The following ZNF90 variants were observed in gnomAD, a reference collection of about 807,000 sequenced individuals.
ZNF90 encodes zinc finger protein HTF9.
Under a neutral mutation model 12.0 loss-of-function variants are expected in ZNF90, and 11 were observed. The ratio of observed to expected loss-of-function variants is 0.92; its 90% CI spans 0.58 to 1.52. The LOEUF is 1.52. Ranked by LOEUF, ZNF90 falls within the 40% of genes most tolerant of loss-of-function variation. The pLI is 0.00. For synonymous variants in ZNF90, 232 were observed against 240.1 expected (o/e 0.97, Z 0.31); for missense variants, 765 against 711.5 (o/e 1.08, Z -0.86).
intron 3 of ZNF90, among the ~76,000 whole-genome samples, chr19:20,108,899 A>G (rs1296560881): frequency 6.6e-6 from 1 of 151,330 alleles, no homozygotes; most frequent in Non-Finnish European, 1.5e-5. Flanking sequence ...TAATTTTTGT[A>G]TTGTTATTAG....
chr19:20,106,124 T>A (rs935355328), intron 3 of ZNF90, among the ~76,000 whole-genome samples: 2 of 149,146 alleles, frequency 1.3e-5, no homozygotes, highest in Admixed American at 1.3e-4. Context: ...TATTCAATGC[T>A]ATAGTAAATA....
Position 20,118,871 on chromosome 19 carries a change from C to T in ZNF90, c.1317C>T (p.Ala439=). The T allele has an allele frequency of 1.2e-6, 2 of 1,610,018 alleles. No individual in the cohort carries two copies. Among genetic ancestry groups the T allele is most frequent in the Non-Finnish European group, 1.7e-6 (2 of 1,178,206 alleles). Residue 439 remains alanine (A), a synonymous_variant, in exon 4 of 4, where the codon GCC becomes GCT. Coordinates refer to ENST00000418063, the MANE Select transcript of ZNF90 (RefSeq NM_007138.2). ...ACAAAGTCTTCAAACGCTCCTCAGC[C>T]CTTAGCACACATAAGATAATTCATA... ...ECDKVFKRSS[A]LSTHKIIHSG... is the part of the protein sequence containing the mutation.
intron 1 of ZNF90, among the ~76,000 whole-genome samples, chr19:20,082,733 G>C (rs1310514650): frequency 6.6e-6 from 1 of 152,172 alleles, no homozygotes; most frequent in Non-Finnish European, 1.5e-5. Flanking sequence ...GGAAAGACCT[G>C]ACCATCCCCC....
rs191873470 is a variant in ZNF90 at position 20,116,324 on chromosome 19, C to T, written c.227-1457C>T. ...AGCTTGGATTACAGGCTTATGCCAC[C>T]ATGCCCAGTTAATTTTTGAGTTTTT... is the stretch of plus-strand genomic sequence containing the variant. On this transcript the variant is annotated intron_variant, in intron 3 of 3. Transcript: ENST00000418063. Among the ~76,000 whole-genome samples, 310 of 152,174 alleles carry T rather than the reference C, an allele frequency of 2.0e-3. 1 individual carries two copies. The Middle Eastern group carries it at 0.02, about 10-fold the overall frequency.
intron 3 of ZNF90, among the ~76,000 whole-genome samples, chr19:20,117,346 TTTTC>T (rs1421064259): frequency 2.6e-5 from 4 of 151,994 alleles, no homozygotes; most frequent in African/African-American, 7.3e-5. Flanking sequence ...GGAAATTTCT[TTTTC>T]TTTGTTTCGT....
intron 1 of ZNF90, among the ~76,000 whole-genome samples, chr19:20,082,961 G>A (rs1447582992): frequency 6.6e-6 from 1 of 152,132 alleles, no homozygotes; most frequent in East Asian, 1.9e-4. Context: ...GCTCTTTAAT[G>A]CACCAGATAT....
chr19:20,107,841 A>G (rs2089052984), intron 3 of ZNF90, among the ~76,000 whole-genome samples: 1 of 152,240 alleles, frequency 6.6e-6, no homozygotes. Flanking sequence ...TGGGCACCCA[A>G]TATTTAACTA....
intron 1 of ZNF90, among the ~76,000 whole-genome samples, chr19:20,092,122 A>G (rs1555702795): frequency 6.6e-6 from 1 of 152,200 alleles, no homozygotes; most frequent in Non-Finnish European, 1.5e-5. Context: ...GGGAGGCCGC[A>G]TTTAAGTCCA....
In ZNF90 at chr19:20,078,149, T is replaced by C. The variant is rs781126976; in HGVS notation, c.3+14T>C. 1.2e-6 allele frequency: 2 copies of C among 1,614,128 alleles called. No individual in the cohort carries two copies. The highest frequency in any genetic ancestry group is 1.7e-6 in the Non-Finnish European group (2 of 1,180,002). On this transcript the variant is annotated intron_variant, in intron 1 of 3. Coordinates refer to ENST00000418063, the MANE Select transcript of ZNF90 (RefSeq NM_007138.2). ...AGCCTAGAAATGGTGAGAGTGCCTT[T>C]CCAGCATTCCGAGAGAGGGGAGGGA... is the stretch of plus-strand genomic sequence containing the variant.
intron 1 of ZNF90, among the ~76,000 whole-genome samples, chr19:20,092,443 G>A (rs527502608): frequency 2.4e-4 from 36 of 152,250 alleles, no homozygotes; most frequent in African/African-American, 6.7e-4. Context: ...CCTGCACTTC[G>A]GCTGTGTGTA....
intron 1 of ZNF90, among the ~76,000 whole-genome samples, chr19:20,089,765 G>C (rs1276821956): frequency 6.6e-6 from 1 of 152,182 alleles, no homozygotes; most frequent in Non-Finnish European, 1.5e-5. Flanking sequence ...GTTAAAGGAA[G>C]TTCGGAGGTG....
chr19:20,091,661 A>T (rs1483102262), intron 1 of ZNF90, among the ~76,000 whole-genome samples: 1 of 152,028 alleles, frequency 6.6e-6, no homozygotes, highest in Non-Finnish European at 1.5e-5. Flanking sequence ...GCAGTGAATG[A>T]CCCCAGCTTC....
At position 20,118,398 on chromosome 19, in the gene ZNF90, G is replaced by A; in HGVS notation, c.844G>A (p.Glu282Lys). Reference sequence around the variant, plus strand: ...TGCACATAAGAGAATTCATACTGGAGAGAAACCCTACAAGTGTGATAAATG... The same window carrying A: ...TGCACATAAGAGAATTCATACTGGAAAGAAACCCTACAAGTGTGATAAATG... ...LTAHKRIHTG[E>K]KPYKCDKCGR... The change falls in exon 4 of 4, where the codon GAG becomes AAG. Residue 282 changes from glutamate (E) to lysine (K), a missense_variant. Glu to Lys is a moderately conservative substitution (Grantham distance 56, BLOSUM62 1). Coordinates refer to ENST00000418063, the MANE Select transcript of ZNF90 (RefSeq NM_007138.2). 6.2e-7 allele frequency: 1 copy of A among 1,608,202 alleles called. No homozygotes were observed.
chr19:20,117,042 T>A (rs1599655885), intron 3 of ZNF90, among the ~76,000 whole-genome samples: 1 of 146,916 alleles, frequency 6.8e-6, no homozygotes. Context: ...TGTGTGTGTG[T>A]GTGTGAGAGA....
chr19:20,092,419 T>A (rs1295969452), intron 1 of ZNF90, among the ~76,000 whole-genome samples: 1 of 152,094 alleles, frequency 6.6e-6, no homozygotes, highest in African/African-American at 2.4e-5. Flanking sequence ...GTGTAAGAAT[T>A]CAGACTGCAC....
intron 1 of ZNF90, among the ~76,000 whole-genome samples, chr19:20,081,752 T>C (rs369463553): frequency 6.7e-6 from 1 of 149,914 alleles, no homozygotes; most frequent in Non-Finnish European, 1.5e-5. Context: ...TTTGTTTTTT[T>C]TCTTTCTTTC....
intron 3 of ZNF90, among the ~76,000 whole-genome samples, chr19:20,109,150 ATC>A (rs1212712724): frequency 3.9e-5 from 6 of 152,202 alleles, no homozygotes; most frequent in African/African-American, 1.4e-4. Flanking sequence ...TAAATTATGC[ATC>A]TCTATCACAG....
At chr19:20,087,449 T>G (rs58559241) in intron 1 of ZNF90, 16,329 of 152,240 alleles carry the variant, frequency 0.11, 1,163 homozygotes, top group African/African-American at 0.2. Flanking sequence ...TTCAGCAGTA[T>G]TTTTTCCTTG....
At chr19:20,088,506 G>A (rs1207130874) in intron 1 of ZNF90, among the ~76,000 whole-genome samples, 1 of 152,202 alleles carries the variant, frequency 6.6e-6, no homozygotes, top group Non-Finnish European at 1.5e-5. Flanking sequence ...CAATTAGAGA[G>A]TGCCCAAGGG....
Sources: gnomAD v4.1 joint callset for allele counts (sites outside exome capture counted in the v4.1 genomes callset) on GRCh38, gnomAD v4.1.1 for gene constraint, MANE v1.5 for transcripts, NCBI Gene and HGNC (gene_info 2026-07-23, HGNC 2026-07-21) for gene names.